AFAP1: variants seen among roughly 807,000 people sequenced by gnomAD.
AFAP1 encodes actin filament associated protein 1.
AFAP1 carries 75 observed loss-of-function variants against 93.9 expected under a neutral mutation model. The ratio of observed to expected loss-of-function variants is 0.80; its 90% CI spans 0.66 to 0.97. The LOEUF (loss-of-function observed/expected upper bound fraction) is 0.97. Among genes scored for constraint, AFAP1 ranks in the 50% least tolerant of loss-of-function variants. AFAP1 has a pLI of 0.00. For synonymous variants in AFAP1, 517 were observed against 430.7 expected, an observed-to-expected ratio of 1.20 and a Z score of -2.48; for missense variants, 1,201 against 1,050.8, an observed-to-expected ratio of 1.14 and a Z score of -1.98.
At chr4:7,782,372 C>T (rs1716863812) in intron 12 of AFAP1, among the ~76,000 whole-genome samples, 1 of 152,236 alleles carries the variant, frequency 6.6e-6, no homozygotes, top group Non-Finnish European at 1.5e-5. Context: ...CAACACAAAC[C>T]CCCTCTGTCC....
In AFAP1 at chr4:7,778,475, C is replaced by G. The variant is rs750588334; in HGVS notation, c.1897+287G>C. The G allele has an allele frequency of 5.2e-5, 25 of 479,628 alleles. No homozygotes were observed. In the East Asian group the frequency reaches 9.1e-4, roughly 17 times the overall value. The allele number at this position is 479,628 out of a possible 1,614,324, so 29.7% of individuals were successfully genotyped here. A position where few individuals can be genotyped will look rare whatever the true frequency, so the allele number is the denominator to read the frequency against. ...TCCTGACCTGGAGCCCAGGGCCACCCGGAGCTGCAAGAAACCTGCACTCAC... is the reference window on the plus strand; with the variant it reads ...TCCTGACCTGGAGCCCAGGGCCACCGGGAGCTGCAAGAAACCTGCACTCAC... On this transcript the variant is annotated intron_variant, in intron 14 of 17. Coordinates refer to ENST00000420658, the MANE Select transcript of AFAP1 (RefSeq NM_001134647.2).
chr4:7,891,848 C>T (rs530202117), intron 1 of AFAP1, among the ~76,000 whole-genome samples: 1 of 148,744 alleles, frequency 6.7e-6, no homozygotes, highest in African/African-American at 2.5e-5. Flanking sequence ...CAGGAGTTCA[C>T]AAGACCAGCG....
intron 11 of AFAP1, among the ~76,000 whole-genome samples, chr4:7,787,661 C>T (rs886457439): frequency 2.0e-5 from 3 of 152,186 alleles, no homozygotes; most frequent in African/African-American, 7.2e-5. Context: ...AGGTGAGGCC[C>T]AACAGTGTGG....
intron 2 of AFAP1, 62 bp from the exon 3 acceptor site, chr4:7,868,781 G>C (rs560809810): frequency 7.0e-7 from 1 of 1,419,624 alleles, no homozygotes; most frequent in East Asian, 2.3e-5. Flanking sequence ...GGTACCACTA[G>C]CATCTATCAG....
intron 5 of AFAP1, among the ~76,000 whole-genome samples, chr4:7,840,305 GGTGTGTGT>G (rs5855989): frequency 5.3e-5 from 7 of 131,278 alleles, no homozygotes; most frequent in South Asian, 4.6e-4. Context: ...TTGTTTTTGG[GGTGTGTGT>G]GTGTGTGTGT....
At chr4:7,925,217 G>C (rs1720661259) in intron 1 of AFAP1, among the ~76,000 whole-genome samples, 1 of 152,164 alleles carries the variant, frequency 6.6e-6, no homozygotes, top group Non-Finnish European at 1.5e-5. Flanking sequence ...CCAAGCTATA[G>C]AATTCAGAAG....
chr4:7,915,512 T>C (rs1009271706), intron 1 of AFAP1, among the ~76,000 whole-genome samples: 1 of 151,780 alleles, frequency 6.6e-6, no homozygotes, highest in Non-Finnish European at 1.5e-5. Context: ...GAAAAAGAAA[T>C]ATCTGTGTCT....
At position 7,838,521 on chromosome 4, in the gene AFAP1, T is replaced by C. The variant is rs996722775; in HGVS notation, c.726+3A>G. On this transcript the variant is annotated splice_donor_region_variant and intron_variant, in intron 6 of 17. Coordinates refer to ENST00000420658, the MANE Select transcript of AFAP1 (RefSeq NM_001134647.2). ...TGGCTGTGAAACACAGCAGACAACC[T>C]ACCTTCAGCCACTGCTCGGCCTGTT... The C allele has an allele frequency of 4.3e-6, 7 of 1,611,204 alleles. No homozygotes were observed. Among genetic ancestry groups the C allele is most frequent in the Non-Finnish European group, 5.9e-6 (7 of 1,178,288 alleles).
intron 3 of AFAP1, among the ~76,000 whole-genome samples, chr4:7,858,512 C>T (rs1257314506): frequency 6.6e-6 from 1 of 152,140 alleles, no homozygotes; most frequent in Non-Finnish European, 1.5e-5. Context: ...ACTGTCACCA[C>T]CACTGCTTTT....
chr4:7,799,791 G>GTT (rs1718850301), intron 10 of AFAP1, among the ~76,000 whole-genome samples: 1 of 152,158 alleles, frequency 6.6e-6, no homozygotes, highest in Non-Finnish European at 1.5e-5. Context: ...AATAATGAAA[G>GTT]TTTTGAGTAT....
chr4:7,801,914 C>CA (rs531684652), intron 9 of AFAP1, among the ~76,000 whole-genome samples: 4,880 of 65,170 alleles, frequency 0.075, 630 homozygotes, highest in Non-Finnish European at 0.085. Context: ...GACCCTATCA[C>CA]AAAAAAAAAA....
At chr4:7,802,368 A>T (rs574976231) in intron 9 of AFAP1, among the ~76,000 whole-genome samples, 1 of 152,320 alleles carries the variant, frequency 6.6e-6, no homozygotes, top group East Asian at 1.9e-4. Flanking sequence ...TGTATTTCAG[A>T]CACTTAGGAG....
At chr4:7,890,322 T>G (rs184027134) in intron 1 of AFAP1, among the ~76,000 whole-genome samples, 1 of 152,326 alleles carries the variant, frequency 6.6e-6, no homozygotes, top group East Asian at 1.9e-4. Flanking sequence ...CAACTGGATG[T>G]CAGTATGGGG....
chr4:7,919,967 A>C (rs990501855), intron 1 of AFAP1, among the ~76,000 whole-genome samples: 3 of 152,326 alleles, frequency 2.0e-5, no homozygotes, highest in South Asian at 2.1e-4. Flanking sequence ...CCTGCAAAGG[A>C]CATGATCTTG....
chr4:7,790,505 G>A (rs142994362), intron 11 of AFAP1, among the ~76,000 whole-genome samples: 68 of 152,248 alleles, frequency 4.5e-4, no homozygotes, highest in African/African-American at 1.5e-3. Flanking sequence ...GGTTATCGGC[G>A]TGCTGATTAT....
chr4:7,791,948 A>G (rs1281557690), intron 11 of AFAP1, among the ~76,000 whole-genome samples: 8 of 152,220 alleles, frequency 5.3e-5, no homozygotes, highest in African/African-American at 1.9e-4. Flanking sequence ...AGCAACGCCA[A>G]TAACGAACCA....
intron 1 of AFAP1, among the ~76,000 whole-genome samples, chr4:7,932,234 A>T (rs553584735): frequency 2.0e-5 from 3 of 151,818 alleles, no homozygotes; most frequent in African/African-American, 7.3e-5. Context: ...AAACTTCATA[A>T]AAAAAAATCA....
intron 16 of AFAP1, among the ~76,000 whole-genome samples, chr4:7,769,650 G>A (rs2018200): frequency 0.47 from 70,826 of 151,910 alleles, 17,891 homozygotes; most frequent in East Asian, 0.7. Flanking sequence ...TCTCTGGGGG[G>A]AAAAAAACGC....
chr4:7,769,189 C>T (rs763909608), intron 16 of AFAP1, among the ~76,000 whole-genome samples, 181 bp from the exon 17 acceptor site: 2 of 152,204 alleles, frequency 1.3e-5, no homozygotes, highest in South Asian at 2.1e-4. Context: ...CTGGCATTCA[C>T]GGCCGGGGGG....
Sources: allele counts gnomAD v4.1 joint callset (sites outside exome capture counted in the v4.1 genomes callset), GRCh38; gene constraint gnomAD v4.1.1; transcripts MANE v1.5; gene names NCBI Gene and HGNC (gene_info 2026-07-23, HGNC 2026-07-21).